Variants in MED12L observed in about 807,000 individuals in gnomAD.
The protein encoded by MED12L is mediator complex subunit 12L.
In MED12L, 60 loss-of-function variants were observed where a neutral mutation model predicts 281.3. The ratio of observed to expected loss-of-function variants is 0.21; its 90% CI spans 0.17 to 0.26. The LOEUF is 0.26. Ranked by LOEUF, MED12L falls within the 10% of genes least tolerant of loss-of-function variation. MED12L has a pLI of 1.00. For missense variants in MED12L, 2,146 were observed against 2,680.9 expected (o/e 0.80, Z 4.41); for synonymous variants, 974 against 987.2 (o/e 0.99, Z 0.25).
chr3:151,293,224 T>G (rs1744499498), intron 16 of MED12L, among the ~76,000 whole-genome samples: 2 of 152,154 alleles, frequency 1.3e-5, no homozygotes, highest in African/African-American at 4.8e-5. Context: ...GTGCTCTCAT[T>G]TTTGCTCATT....
intron 16 of MED12L, among the ~76,000 whole-genome samples, chr3:151,210,318 G>A (rs911273021): frequency 1.3e-5 from 2 of 152,214 alleles, no homozygotes; most frequent in Non-Finnish European, 2.9e-5. Flanking sequence ...AGGACAGAAT[G>A]ACTTTCCCAA....
chr3:151,187,356 A>C (rs1360576615), intron 12 of MED12L, among the ~76,000 whole-genome samples: 1 of 152,162 alleles, frequency 6.6e-6, no homozygotes, highest in Non-Finnish European at 1.5e-5. Flanking sequence ...TACACATTCC[A>C]CTTTTAGAAG....
intron 5 of MED12L, among the ~76,000 whole-genome samples, chr3:151,128,290 T>C (rs1215670452): frequency 6.6e-6 from 1 of 152,238 alleles, no homozygotes; most frequent in Non-Finnish European, 1.5e-5. Flanking sequence ...GTCACAGCCT[T>C]CTAGCAGCTT....
intron 11 of MED12L, among the ~76,000 whole-genome samples, chr3:151,168,547 C>T (rs1576876795): frequency 6.6e-6 from 1 of 152,110 alleles, no homozygotes; most frequent in Non-Finnish European, 1.5e-5. Flanking sequence ...ATCAGTGTTG[C>T]CCCATTTAGC....
chr3:151,235,399 CTGAAAAGA>C (rs1437155340), intron 16 of MED12L, among the ~76,000 whole-genome samples: 1 of 152,056 alleles, frequency 6.6e-6, no homozygotes, highest in Non-Finnish European at 1.5e-5. Context: ...AAGTTTGATT[CTGAAAAGA>C]TCTAAAAGCA....
Position 151,422,261 on chromosome 3 carries a change from A to G in MED12L, c.6408+5839A>G, listed in dbSNP as rs144427200. On this transcript the variant is annotated intron_variant, in intron 43 of 44. Coordinates refer to ENST00000687756, the MANE Select transcript of MED12L (RefSeq NM_001393769.1). Reference sequence around the variant, plus strand: ...GCTGGAGGCATTGTATTAGTTTGCTAGAACTCCCTAACAAAGTACGCAAAC... The same window carrying G: ...GCTGGAGGCATTGTATTAGTTTGCTGGAACTCCCTAACAAAGTACGCAAAC... Among the ~76,000 whole-genome samples, 566 of 152,344 alleles carry G rather than the reference A, an allele frequency of 3.7e-3. 2 individuals carry two copies. Among genetic ancestry groups the G allele is most frequent in the African/African-American group, 0.013 (535 of 41,572 alleles).
At chr3:151,420,665 G>A (rs1240230258) in intron 43 of MED12L, among the ~76,000 whole-genome samples, 1 of 152,164 alleles carries the variant, frequency 6.6e-6, no homozygotes, top group African/African-American at 2.4e-5. Context: ...ACTTCAAAAG[G>A]CCATTTCACC....
rs370158543 is a variant in MED12L, at chr3:151,128,933, G to T, written c.556+949G>T. On this transcript the variant is annotated intron_variant, in intron 5 of 44. Coordinates refer to ENST00000687756, the MANE Select transcript of MED12L (RefSeq NM_001393769.1). ...TTATGCTGGCCATGGTCAGTATTTT[G>T]AGTCAGAGTCCCCACTATGTTGGTT... Among the ~76,000 whole-genome samples the T allele has an allele frequency of 2.0e-5, 3 of 152,194 alleles. No individual in the cohort carries two copies. The East Asian group carries it at 5.8e-4, about 29-fold the overall frequency.
Position 151,193,586 on chromosome 3 carries a change from A to G in MED12L, c.2170A>G (p.Lys724Glu). ...VNCEKLVKRE[K>E]PRELIFPSNY... is the part of the protein sequence containing the mutation. ...TTGTGAGAAGTTGGTGAAGAGGGAAAAGCCAAGGGAATTAATTTTTCCATC... is the reference window on the plus strand; with the variant it reads ...TTGTGAGAAGTTGGTGAAGAGGGAAGAGCCAAGGGAATTAATTTTTCCATC... The change falls in exon 16 of 45, where the codon AAG becomes GAG. Residue 724 changes from lysine to glutamate, a missense_variant. By Grantham distance (56) the Lys-to-Glu change is moderately conservative (BLOSUM62 1). Coordinates refer to ENST00000687756, the MANE Select transcript of MED12L (RefSeq NM_001393769.1). 6.2e-7 allele frequency: 1 copy of G among 1,614,114 alleles called. No individual in the cohort carries two copies. The highest frequency in any genetic ancestry group is 8.5e-7 in the Non-Finnish European group (1 of 1,179,972).
intron 11 of MED12L, among the ~76,000 whole-genome samples, chr3:151,183,824 A>G (rs1439902358): frequency 1.3e-5 from 2 of 152,248 alleles, no homozygotes; most frequent in African/African-American, 4.8e-5. Flanking sequence ...TGCAGGAGAA[A>G]AAAAAATCTG....
chr3:151,348,138 AATAG>A (rs1752755798), intron 16 of MED12L, among the ~76,000 whole-genome samples: 1 of 152,162 alleles, frequency 6.6e-6, no homozygotes, highest in Non-Finnish European at 1.5e-5. Flanking sequence ...TCTTGCCTCA[AATAG>A]ATATTCTATA....
chr3:151,357,386 T>C lies in MED12L; in HGVS notation c.2825+10T>C. Reference sequence around the variant, plus strand: ...CCCAGGTGTTTGAAGGGTTGGTATATAGCATGTCATTGTTGTTTTTCCAAT... The same window carrying C: ...CCCAGGTGTTTGAAGGGTTGGTATACAGCATGTCATTGTTGTTTTTCCAAT... On this transcript the variant is annotated intron_variant, in intron 20 of 44. Transcript: ENST00000687756. 6.4e-7 allele frequency: 1 copy of C among 1,560,488 alleles called. No individual in the cohort carries two copies.
chr3:151,227,590 A>G (rs1166476338), intron 16 of MED12L, among the ~76,000 whole-genome samples: 2 of 152,150 alleles, frequency 1.3e-5, no homozygotes, highest in African/African-American at 2.4e-5. Flanking sequence ...TGATTATGCA[A>G]ATGGATCATG....
intron 27 of MED12L, among the ~76,000 whole-genome samples, chr3:151,375,720 C>T (rs1031453043): frequency 6.6e-6 from 1 of 151,976 alleles, no homozygotes; most frequent in African/African-American, 2.4e-5. Flanking sequence ...AAAAAACTGA[C>T]ACAAAATAGT....
chr3:151,417,020 C>T (rs1717643719), intron 43 of MED12L, among the ~76,000 whole-genome samples: 1 of 152,080 alleles, frequency 6.6e-6, no homozygotes. Context: ...TTTTTTTAAA[C>T]TGTCATCTTA....
intron 3 of MED12L, among the ~76,000 whole-genome samples, chr3:151,119,149 G>A (rs1292712897): frequency 2.0e-5 from 3 of 152,158 alleles, no homozygotes; most frequent in African/African-American, 7.2e-5. Context: ...TCTATATACA[G>A]CAGTTAGTCT....
At chr3:151,127,043 TATATTC>T (rs777279322) in intron 4 of MED12L, among the ~76,000 whole-genome samples, 211 of 152,336 alleles carry the variant, frequency 1.4e-3, no homozygotes, top group Non-Finnish European at 2.6e-3. Flanking sequence ...TTTCTTCCTT[TATATTC>T]ATAAACTTGA....
chr3:151,241,443 C>T (rs780809565), intron 16 of MED12L, among the ~76,000 whole-genome samples: 13 of 152,090 alleles, frequency 8.5e-5, no homozygotes, highest in African/African-American at 1.9e-4. Context: ...TGATCCCTAG[C>T]GACTTATTAA....
chr3:151,360,203 T>A (rs1754441162), intron 20 of MED12L, among the ~76,000 whole-genome samples: 1 of 152,180 alleles, frequency 6.6e-6, no homozygotes, highest in Non-Finnish European at 1.5e-5. Context: ...GGTGGATTCC[T>A]CCATACGTAC....
Sources: gnomAD v4.1 joint callset for allele counts (sites outside exome capture counted in the v4.1 genomes callset) on GRCh38, gnomAD v4.1.1 for gene constraint, MANE v1.5 for transcripts, NCBI Gene and HGNC (gene_info 2026-07-23, HGNC 2026-07-21) for gene names.